DLGAP1: variants seen among roughly 807,000 people sequenced by gnomAD.
DLGAP1 encodes DLG associated protein 1, also known as disks large-associated protein 1.
A neutral mutation model predicts 90.8 loss-of-function variants in DLGAP1; 11 were observed. The ratio of observed to expected loss-of-function variants is 0.12; its 90% CI spans 0.08 to 0.20. The LOEUF (loss-of-function observed/expected upper bound fraction) is 0.20, where lower values mean the gene tolerates loss of function less well. DLGAP1 is among the 10% of genes least tolerant of loss of function. The probability of loss-of-function intolerance (pLI) is 1.00; values close to 1 mark genes in which losing one functional copy is unlikely to be tolerated. For missense variants in DLGAP1, 1,050 were observed against 1,333.8 expected (o/e 0.79, Z 3.31); for synonymous variants, 558 against 540.7 (o/e 1.03, Z -0.44).
At chr18:3,760,339 G>C (rs892240498) in intron 5 of DLGAP1, among the ~76,000 whole-genome samples, 4 of 152,162 alleles carry the variant, frequency 2.6e-5, no homozygotes, top group Non-Finnish European at 4.4e-5. Flanking sequence ...CAGACCTGCC[G>C]AGTTCTGCTC....
At chr18:3,583,405 T>C (rs1453959834) in intron 7 of DLGAP1, among the ~76,000 whole-genome samples, 4 of 152,070 alleles carry the variant, frequency 2.6e-5, no homozygotes, top group Non-Finnish European at 5.9e-5. Context: ...TCTGTCTTCC[T>C]TCTTCACTTC....
At chr18:3,971,182 A>G (rs1342352521) in intron 3 of DLGAP1, among the ~76,000 whole-genome samples, 1 of 152,214 alleles carries the variant, frequency 6.6e-6, no homozygotes, top group East Asian at 1.9e-4. Flanking sequence ...ATTGACCTAG[A>G]GAATGAACCA....
At chr18:4,298,954 G>A (rs1455801422) in intron 1 of DLGAP1, among the ~76,000 whole-genome samples, 12 of 151,646 alleles carry the variant, frequency 7.9e-5, no homozygotes, top group African/African-American at 2.4e-4. Flanking sequence ...GGTGGCAGGC[G>A]CCTGTAGTCC....
rs573741412 is a variant in DLGAP1 at position 4,223,681 on chromosome 18, A to G, written c.-266-72394T>C. On this transcript the variant is annotated intron_variant, in intron 1 of 12. Transcript: ENST00000315677. ...AGGCATTACTATAATTCTGAATGCT[A>G]CTCTAAATGTTTATATTTCCTTGTC... Among the ~76,000 whole-genome samples the G allele has an allele frequency of 1.1e-4, 16 of 152,306 alleles. No individual in the cohort carries two copies. In the South Asian group the frequency reaches 2.7e-3, roughly 26 times the overall value.
At chr18:3,602,479 CA>C (rs2057102748) in intron 7 of DLGAP1, among the ~76,000 whole-genome samples, 1 of 150,786 alleles carries the variant, frequency 6.6e-6, no homozygotes, top group Non-Finnish European at 1.5e-5. Context: ...CCTGTAGTCC[CA>C]GCTACTCGGG....
At chr18:4,192,825 G>A (rs78054468) in intron 1 of DLGAP1, among the ~76,000 whole-genome samples, 121 of 152,196 alleles carry the variant, frequency 8.0e-4, no homozygotes, top group East Asian at 4.6e-3. Flanking sequence ...TTGTAGGCTC[G>A]GGGGGAATTT....
chr18:3,734,344 C>T (rs2062559183), intron 6 of DLGAP1, among the ~76,000 whole-genome samples: 1 of 152,154 alleles, frequency 6.6e-6, no homozygotes, highest in African/African-American at 2.4e-5. Flanking sequence ...CCTCAACCTC[C>T]TGGGCTCAAG....
chr18:4,422,948 T>A (rs924467820), intron 1 of DLGAP1, among the ~76,000 whole-genome samples: 4 of 152,122 alleles, frequency 2.6e-5, no homozygotes, highest in African/African-American at 9.7e-5. Flanking sequence ...AATTTAAATG[T>A]TTCTGGAAGA....
intron 3 of DLGAP1, among the ~76,000 whole-genome samples, chr18:3,928,070 T>A (rs2072433220): frequency 1.3e-5 from 2 of 152,324 alleles, no homozygotes; most frequent in South Asian, 4.1e-4. Context: ...TGTAATTTAG[T>A]AGCTCACATT....
intron 1 of DLGAP1, among the ~76,000 whole-genome samples, chr18:4,203,265 TAA>T (rs61037023): frequency 4.1e-3 from 519 of 127,998 alleles, no homozygotes; most frequent in Admixed American, 4.8e-3. Flanking sequence ...ACAGAGAGAT[TAA>T]AAAAAAAAAA....
rs112025048 is a variant in DLGAP1, at chr18:4,438,544, T to TA, written c.-267+16461dup. 6.7e-5 allele frequency among the ~76,000 whole-genome samples: 10 copies of TA among 148,422 alleles called. 1 individual carries two copies. The highest frequency in any genetic ancestry group is 2.2e-4 in the African/African-American group (9 of 40,506). ...CTCCTAGAGCCTCATCTTGTACCCC[T>TA]AGCCCCACTCCACTATCCCCATTCA... On this transcript the variant is annotated intron_variant, in intron 1 of 12. Transcript: ENST00000315677.
intron 7 of DLGAP1, among the ~76,000 whole-genome samples, chr18:3,675,171 A>G (rs1264224430): frequency 6.6e-6 from 1 of 152,154 alleles, no homozygotes; most frequent in East Asian, 1.9e-4. Flanking sequence ...TCCTGGTTCA[A>G]GCGATTATCC....
At position 4,226,952 on chromosome 18, in the gene DLGAP1, G is replaced by A. The variant is rs372003717; in HGVS notation, c.-266-75665C>T. 4.9e-4 allele frequency among the ~76,000 whole-genome samples: 75 copies of A among 151,792 alleles called. No individual in the cohort carries two copies. The East Asian group carries it at 7.4e-3, about 15-fold the overall frequency. ...AAAATTTTTTAAAAAAAGACTTGTTGCCTACAAGAAGGGCACTTCACCTAT... is the reference window on the plus strand; with the variant it reads ...AAAATTTTTTAAAAAAAGACTTGTTACCTACAAGAAGGGCACTTCACCTAT... On this transcript the variant is annotated intron_variant, in intron 1 of 12. Transcript: ENST00000315677.
chr18:4,361,459 G>GGTCAAAT (rs1349874486), intron 1 of DLGAP1, among the ~76,000 whole-genome samples: 1 of 152,048 alleles, frequency 6.6e-6, no homozygotes, highest in African/African-American at 2.4e-5. Flanking sequence ...TTACATTAAT[G>GGTCAAAT]GTCAAATGAT....
intron 6 of DLGAP1, among the ~76,000 whole-genome samples, chr18:3,732,957 T>C (rs1246040903): frequency 2.6e-5 from 4 of 152,188 alleles, no homozygotes; most frequent in Non-Finnish European, 5.9e-5. Flanking sequence ...GGTTCTTATG[T>C]AACCTCTTCT....
chr18:3,939,063 T>A (rs2072706568), intron 3 of DLGAP1, among the ~76,000 whole-genome samples: 1 of 152,092 alleles, frequency 6.6e-6, no homozygotes, highest in Admixed American at 6.6e-5. Flanking sequence ...GGCAGAAGTG[T>A]ATTATTGAAA....
intron 2 of DLGAP1, among the ~76,000 whole-genome samples, chr18:4,081,445 T>G (rs768000997): frequency 2.6e-5 from 4 of 152,154 alleles, no homozygotes; most frequent in Non-Finnish European, 4.4e-5. Context: ...ATAGTGTGCC[T>G]CCTGTTGGGG....
At chr18:4,052,698 A>G (rs1313097839) in intron 2 of DLGAP1, among the ~76,000 whole-genome samples, 2 of 152,128 alleles carry the variant, frequency 1.3e-5, no homozygotes, top group Non-Finnish European at 2.9e-5. Context: ...TCCCTAGTAA[A>G]TGGGTTTTTA....
rs534405792 is a variant in DLGAP1, at chr18:3,874,127, A to C, written c.957+4985T>G. On this transcript the variant is annotated intron_variant, in intron 4 of 12. Transcript: ENST00000315677. ...TCAACACCACACTATTACCAAATAC[A>C]AAGTAATAAAAGAGTTATACCCAAA... The C allele has an allele frequency of 9.0e-6, 14 of 1,549,736 alleles. No homozygotes were observed. The African/African-American group carries it at 1.4e-4, about 15-fold the overall frequency.
Sources: gnomAD v4.1 joint callset for allele counts (sites outside exome capture counted in the v4.1 genomes callset) on GRCh38, gnomAD v4.1.1 for gene constraint, MANE v1.5 for transcripts, NCBI Gene and HGNC (gene_info 2026-07-23, HGNC 2026-07-21) for gene names.